MYO16: variants seen among roughly 807,000 people sequenced by gnomAD.
MYO16 encodes the protein unconventional myosin-XVI.
In MYO16, 94 loss-of-function variants were observed where a neutral mutation model predicts 205.3. That is an observed-to-expected ratio of 0.46 (90% confidence interval 0.39 to 0.54). The LOEUF (loss-of-function observed/expected upper bound fraction) is 0.54, where lower values mean the gene tolerates loss of function less well. MYO16 is among the 20% of genes least tolerant of loss of function. The probability of loss-of-function intolerance (pLI) is 0.00; values close to 1 mark genes in which losing one functional copy is unlikely to be tolerated. For missense variants in MYO16, 2,315 were observed against 2,387.5 expected, an observed-to-expected ratio of 0.97 and a Z score of 0.63; for synonymous variants, 988 against 954.0, an observed-to-expected ratio of 1.04 and a Z score of -0.66.
chr13:108,871,032 C>A (rs1207879692), intron 12 of MYO16, among the ~76,000 whole-genome samples: 1 of 151,904 alleles, frequency 6.6e-6, no homozygotes, highest in Non-Finnish European at 1.5e-5. Context: ...CCGAATTAAT[C>A]TTCGTTTTCT....
chr13:108,588,322 TA>T, the MYO16 span, among the ~76,000 whole-genome samples: 1 of 152,192 alleles, frequency 6.6e-6, no homozygotes, highest in African/African-American at 2.4e-5. Context: ...GGCTATTTCC[TA>T]GGCTGTACTG....
At chr13:108,958,943 A>C (rs1201775150) in intron 17 of MYO16, among the ~76,000 whole-genome samples, 2 of 152,092 alleles carry the variant, frequency 1.3e-5, no homozygotes, top group Admixed American at 1.3e-4. Context: ...ACAGATTTAA[A>C]TCTCTTCTAT....
intron 11 of MYO16, among the ~76,000 whole-genome samples, chr13:108,857,338 G>A (rs1332431909): frequency 6.6e-6 from 1 of 152,186 alleles, no homozygotes; most frequent in African/African-American, 2.4e-5. Context: ...AAGGTTGATG[G>A]GAGGAAAAGC....
At chr13:108,566,395 CTTTA>C in the MYO16 span, among the ~76,000 whole-genome samples, 2 of 151,572 alleles carry the variant, frequency 1.3e-5, no homozygotes, top group African/African-American at 4.8e-5. Context: ...CTCTGATTTT[CTTTA>C]TTTGAGTTTT....
the MYO16 span, among the ~76,000 whole-genome samples, chr13:108,502,174 C>G: frequency 3.2e-3 from 485 of 152,016 alleles, 3 homozygotes; most frequent in African/African-American, 0.011. Flanking sequence ...GATTAAGCCA[C>G]TACATTCCAG....
intron 27 of MYO16, among the ~76,000 whole-genome samples, chr13:109,075,514 C>G (rs1163853227): frequency 6.6e-6 from 1 of 151,930 alleles, no homozygotes; most frequent in Non-Finnish European, 1.5e-5. Context: ...CTCAGCCTCC[C>G]AAGTAGCTGG....
At position 108,691,931 on chromosome 13, in the gene MYO16, G is replaced by A. The variant is rs559432287; in HGVS notation, c.293-20730G>A. ...AATTCTCTATATGGGGCAAGTCCTT[G>A]GTTTAGAGGTCACAACTCAGTGACA... On this transcript the variant is annotated intron_variant, in intron 2 of 34. Transcript: ENST00000457511. Among the ~76,000 whole-genome samples, 82 of 152,212 alleles carry A rather than the reference G, an allele frequency of 5.4e-4. No homozygotes were observed. The South Asian group carries it at 0.013, about 24-fold the overall frequency.
chr13:108,695,008 A>C (rs1224265706), intron 2 of MYO16, among the ~76,000 whole-genome samples: 2 of 152,210 alleles, frequency 1.3e-5, no homozygotes, highest in African/African-American at 4.8e-5. Context: ...GCTACTCAGG[A>C]GGCTGAGGCA....
At chr13:109,107,810 C>CATATTATATTATATTATATT (rs3042873) in intron 28 of MYO16, among the ~76,000 whole-genome samples, 16,982 of 141,192 alleles carry the variant, frequency 0.12, 1,137 homozygotes, top group East Asian at 0.15. Flanking sequence ...CATATATATT[C>CATATTATATTATATTATATT]ATATTATATT....
intron 14 of MYO16, among the ~76,000 whole-genome samples, chr13:108,895,260 A>G (rs1303060650): frequency 6.6e-6 from 1 of 152,064 alleles, no homozygotes; most frequent in Non-Finnish European, 1.5e-5. Context: ...GAAAATATAT[A>G]TATTTAATTT....
intron 21 of MYO16, among the ~76,000 whole-genome samples, chr13:108,994,597 A>G (rs893094536): frequency 3.9e-5 from 6 of 152,190 alleles, no homozygotes; most frequent in African/African-American, 1.4e-4. Context: ...TTGCAACAAA[A>G]TGCTTAACAA....
Position 109,125,425 on chromosome 13 carries a change from A to T in MYO16, c.3782+67A>T. 1 of 1,576,230 alleles carries T rather than the reference A, an allele frequency of 6.3e-7. No homozygotes were observed. The highest frequency in any genetic ancestry group is 1.2e-5 in the South Asian group (1 of 85,614). ...GGTTCAGTGGAGTCATGAAAATTCA[A>T]ATAGCCCTTAATGCAGAGTTCAATC... On this transcript the variant is annotated intron_variant, in intron 30 of 34. Transcript: ENST00000457511. This position sits in a 1 kb window ranked among gnomAD's most constrained non-coding sequence, Gnocchi z 4.0.
intron 20 of MYO16, among the ~76,000 whole-genome samples, chr13:108,967,633 T>C (rs1368057323): frequency 6.6e-6 from 1 of 152,188 alleles, no homozygotes; most frequent in Non-Finnish European, 1.5e-5. Flanking sequence ...CACACTGAAA[T>C]TTTATTTATT....
At chr13:108,536,774 C>T in the MYO16 span, among the ~76,000 whole-genome samples, 1 of 152,020 alleles carries the variant, frequency 6.6e-6, no homozygotes, top group East Asian at 1.9e-4. Flanking sequence ...TACAATAAGA[C>T]ATTCAACAGT....
chr13:109,138,439 T>A (rs1452322037), intron 31 of MYO16, among the ~76,000 whole-genome samples: 1 of 152,218 alleles, frequency 6.6e-6, no homozygotes, highest in Non-Finnish European at 1.5e-5. Flanking sequence ...TATTATAATT[T>A]ACAGTAAAAG....
chr13:109,032,522 A>C (rs1415759770), intron 23 of MYO16, among the ~76,000 whole-genome samples: 1 of 152,236 alleles, frequency 6.6e-6, no homozygotes, highest in Non-Finnish European at 1.5e-5. Context: ...GGACAAAGGA[A>C]GAAACCGTGG....
chr13:108,798,939 T>C (rs9555515), intron 6 of MYO16, among the ~76,000 whole-genome samples: 8,037 of 146,982 alleles, frequency 0.055, 356 homozygotes, highest in East Asian at 0.23. Context: ...TCTCCCGACC[T>C]CATGATCCAC....
chr13:109,110,593 G>A (rs1402818465), intron 28 of MYO16, among the ~76,000 whole-genome samples: 1 of 152,196 alleles, frequency 6.6e-6, no homozygotes, highest in African/African-American at 2.4e-5. Context: ...ATAACAAAGA[G>A]AACATGTATT....
At chr13:109,103,699 C>A (rs1889039616) in intron 28 of MYO16, among the ~76,000 whole-genome samples, 1 of 152,154 alleles carries the variant, frequency 6.6e-6, no homozygotes, top group East Asian at 1.9e-4. Context: ...CTCTGTAATT[C>A]TTATACTCTC....
Sources: gnomAD v4.1 joint callset for allele counts (sites outside exome capture counted in the v4.1 genomes callset) on GRCh38, gnomAD v4.1.1 for gene constraint, Gnocchi (gnomAD v3.1) non-coding constraint, MANE v1.5 for transcripts, NCBI Gene and HGNC (gene_info 2026-07-23, HGNC 2026-07-21) for gene names.